RSU1: variants seen among roughly 807,000 people sequenced by gnomAD.
RSU1 encodes the protein Ras suppressor protein 1, also known as rsu-1.
RSU1 carries 26 observed loss-of-function variants against 31.1 expected under a neutral mutation model. The ratio of observed to expected loss-of-function variants is 0.84; its 90% CI spans 0.61 to 1.16. The LOEUF is 1.16. RSU1 is among the 50% of genes most tolerant of loss of function. The pLI, the probability that RSU1 is intolerant of heterozygous loss-of-function variation, is 0.00. For missense variants in RSU1, 320 were observed against 339.1 expected (o/e 0.94, Z 0.44); for synonymous variants, 164 against 136.3 (o/e 1.20, Z -1.41).
At chr10:16,763,902 G>C (rs1188121745) in intron 4 of RSU1, among the ~76,000 whole-genome samples, 3 of 152,136 alleles carry the variant, frequency 2.0e-5, no homozygotes, top group African/African-American at 7.2e-5. Flanking sequence ...CTTCACCTTT[G>C]CATAAAGAAA....
chr10:16,717,177 CA>C (rs1230664274), intron 7 of RSU1, among the ~76,000 whole-genome samples: 1 of 152,180 alleles, frequency 6.6e-6, no homozygotes, highest in East Asian at 1.9e-4. Flanking sequence ...TGGCTTGTTT[CA>C]GCTTTGCTTC....
intron 8 of RSU1, among the ~76,000 whole-genome samples, chr10:16,616,192 GA>G (rs1564287091): frequency 6.6e-6 from 1 of 151,966 alleles, no homozygotes; most frequent in East Asian, 1.9e-4. Context: ...TGATCCCACA[GA>G]AATACAAACT....
At chr10:16,685,357 TCAGGGCGAGTCCA>T (rs1835422562) in intron 8 of RSU1, among the ~76,000 whole-genome samples, 1 of 152,116 alleles carries the variant, frequency 6.6e-6, no homozygotes, top group Admixed American at 6.5e-5. Context: ...AAGAAAGAAT[TCAGGGCGAGTCCA>T]CAGAGTAAAG....
chr10:16,816,353 T>C (rs1838530830), intron 2 of RSU1, among the ~76,000 whole-genome samples: 1 of 152,020 alleles, frequency 6.6e-6, no homozygotes, highest in South Asian at 2.1e-4. Flanking sequence ...CTGCAATCCC[T>C]GGTTTTAAGG....
intron 2 of RSU1, among the ~76,000 whole-genome samples, chr10:16,810,599 G>A (rs1233474164): frequency 6.6e-6 from 1 of 152,218 alleles, no homozygotes; most frequent in African/African-American, 2.4e-5. Context: ...GAATAAGGCA[G>A]TGGGTGTGCT....
intron 8 of RSU1, among the ~76,000 whole-genome samples, chr10:16,655,022 C>G (rs1834752520): frequency 7.0e-6 from 1 of 142,406 alleles, no homozygotes; most frequent in Non-Finnish European, 1.5e-5. Flanking sequence ...CACGAATGTG[C>G]CTGGAGTGCT....
At chr10:16,607,690 G>T (rs754513906) in intron 8 of RSU1, among the ~76,000 whole-genome samples, 1 of 152,152 alleles carries the variant, frequency 6.6e-6, no homozygotes, top group East Asian at 1.9e-4. Flanking sequence ...GCCTGGTCAG[G>T]GTTGGGCATC....
chr10:16,743,573 C>A (rs986847898), intron 7 of RSU1, among the ~76,000 whole-genome samples: 1 of 152,102 alleles, frequency 6.6e-6, no homozygotes, highest in South Asian at 2.1e-4. Context: ...CTTATTCATG[C>A]GAAAGTGGCA....
chr10:16,746,236 T>C (rs1353205003), intron 7 of RSU1, among the ~76,000 whole-genome samples: 1 of 152,186 alleles, frequency 6.6e-6, no homozygotes, highest in African/African-American at 2.4e-5. Flanking sequence ...AAAATGTTAT[T>C]GATTGTGGGC....
chr10:16,771,583 C>A (rs1165792368), intron 3 of RSU1, among the ~76,000 whole-genome samples: 2 of 152,124 alleles, frequency 1.3e-5, no homozygotes, highest in Non-Finnish European at 2.9e-5. Flanking sequence ...GGAATAATTA[C>A]ATTCTTCAGC....
At chr10:16,734,045 A>G (rs1836576167) in intron 7 of RSU1, among the ~76,000 whole-genome samples, 1 of 152,206 alleles carries the variant, frequency 6.6e-6, no homozygotes, top group African/African-American at 2.4e-5. Flanking sequence ...CCCTCTTCCA[A>G]CACGACTCCA....
chr10:16,792,460 C>A (rs1000064030), intron 2 of RSU1, among the ~76,000 whole-genome samples: 18 of 152,164 alleles, frequency 1.2e-4, no homozygotes, highest in African/African-American at 4.1e-4. Flanking sequence ...CTCGAACTCC[C>A]GACCTCGTGA....
chr10:16,671,300 T>C (rs1835101005), intron 8 of RSU1, among the ~76,000 whole-genome samples: 1 of 152,186 alleles, frequency 6.6e-6, no homozygotes, highest in Non-Finnish European at 1.5e-5. Flanking sequence ...TGCCTTGTCC[T>C]CCCAAAGAGC....
At position 16,592,495 on chromosome 10, in the gene RSU1, C is replaced by T. The variant is rs1326827942; in HGVS notation, c.*899G>A. 1.3e-5 allele frequency: 2 copies of T among 152,148 alleles called. No homozygotes were observed. Among genetic ancestry groups the T allele is most frequent in the Non-Finnish European group, 2.9e-5 (2 of 68,028 alleles). 9.4% of individuals were successfully genotyped at this position (152,148 alleles called of 1,614,324 possible). On this transcript the variant is annotated 3_prime_UTR_variant, in exon 9 of 9. Transcript: ENST00000345264. Reference sequence around the variant, plus strand: ...AGCGCGTGCACATTTACACAACTTCCTTGGCATCGAAGTCGCTTAGAAGAA... The same window carrying T: ...AGCGCGTGCACATTTACACAACTTCTTTGGCATCGAAGTCGCTTAGAAGAA...
chr10:16,623,206 C>T (rs1834100503), intron 8 of RSU1, among the ~76,000 whole-genome samples: 1 of 152,064 alleles, frequency 6.6e-6, no homozygotes, highest in Admixed American at 6.5e-5. Flanking sequence ...CCTCTAGTAG[C>T]CCTCAGTTTC....
chr10:16,648,930 T>A (rs1002627579), intron 8 of RSU1, among the ~76,000 whole-genome samples: 1 of 152,182 alleles, frequency 6.6e-6, no homozygotes. Flanking sequence ...ACTTTAGGAT[T>A]TCATTTATTT....
intron 2 of RSU1, among the ~76,000 whole-genome samples, chr10:16,811,921 G>A (rs1362555834): frequency 2.6e-5 from 4 of 152,206 alleles, no homozygotes; most frequent in African/African-American, 7.2e-5. Flanking sequence ...GGCTGGATGG[G>A]ATGGTGGGTC....
At chr10:16,637,686 G>A (rs1307803436) in intron 8 of RSU1, among the ~76,000 whole-genome samples, 1 of 152,090 alleles carries the variant, frequency 6.6e-6, no homozygotes, top group African/African-American at 2.4e-5. Context: ...CCATTATGAA[G>A]AGAAGCCATT....
intron 7 of RSU1, among the ~76,000 whole-genome samples, chr10:16,748,624 A>C (rs1256142041): frequency 6.6e-6 from 1 of 152,108 alleles, no homozygotes; most frequent in African/African-American, 2.4e-5. Context: ...TCCCATGTGA[A>C]CCAGACCCCA....
Sources: gnomAD v4.1 joint callset for allele counts (sites outside exome capture counted in the v4.1 genomes callset) on GRCh38, gnomAD v4.1.1 for gene constraint, MANE v1.5 for transcripts, NCBI Gene and HGNC (gene_info 2026-07-23, HGNC 2026-07-21) for gene names.